The following ADAMTSL1 variants were observed in gnomAD, a reference collection of about 807,000 sequenced individuals.
ADAMTSL1 encodes the protein ADAMTS like 1, also known as ADAMTS-like protein 1.
Under a neutral mutation model 201.8 loss-of-function variants are expected in ADAMTSL1, and 126 were observed. The observed-to-expected ratio is 0.62, with a 90% CI of 0.54 to 0.72. ADAMTSL1 has a LOEUF of 0.72. Ranked by LOEUF, ADAMTSL1 falls within the 30% of genes least tolerant of loss-of-function variation. ADAMTSL1 has a pLI of 0.00. For missense variants in ADAMTSL1, 2,679 were observed against 2,277.8 expected (o/e 1.18, Z -3.59); for synonymous variants, 1,121 against 903.4 (o/e 1.24, Z -4.32).
chr9:18,715,733 CTACTT>C (rs1832886407), intron 14 of ADAMTSL1, among the ~76,000 whole-genome samples: 1 of 151,954 alleles, frequency 6.6e-6, no homozygotes, highest in African/African-American at 2.4e-5. Flanking sequence ...TTGGAAAAAA[CTACTT>C]TAAAGTTCAT....
intron 6 of ADAMTSL1, among the ~76,000 whole-genome samples, chr9:18,636,968 T>C (rs1827145800): frequency 6.6e-6 from 1 of 152,130 alleles, no homozygotes; most frequent in Admixed American, 6.6e-5. Flanking sequence ...TTTTAGTAGT[T>C]GGATTATGAA....
At chr9:18,169,868 G>C (rs1397417729) in intron 2 of ADAMTSL1, among the ~76,000 whole-genome samples, 2 of 151,872 alleles carry the variant, frequency 1.3e-5, no homozygotes, top group Non-Finnish European at 2.9e-5. Flanking sequence ...ATTTTGGAAG[G>C]GTCAGATGTT....
chr9:18,601,073 C>G (rs1279123475), intron 4 of ADAMTSL1, among the ~76,000 whole-genome samples: 2 of 152,138 alleles, frequency 1.3e-5, no homozygotes, highest in African/African-American at 4.8e-5. Flanking sequence ...TCAGTTTTCT[C>G]TATCTCCTTT....
intron 1 of ADAMTSL1, among the ~76,000 whole-genome samples, chr9:18,116,145 T>C (rs1267225062): frequency 6.6e-6 from 1 of 152,126 alleles, no homozygotes; most frequent in African/African-American, 2.4e-5. Flanking sequence ...GATGCCATCA[T>C]ATGTTAAGAG....
chr9:18,626,453 A>T (rs1826363639), intron 5 of ADAMTSL1, among the ~76,000 whole-genome samples: 1 of 152,226 alleles, frequency 6.6e-6, no homozygotes, highest in Non-Finnish European at 1.5e-5. Flanking sequence ...GAGAAAAGCA[A>T]GTGCAGACGT....
At chr9:18,103,443 A>G (rs1011287110) in intron 1 of ADAMTSL1, among the ~76,000 whole-genome samples, 8 of 152,206 alleles carry the variant, frequency 5.3e-5, no homozygotes, top group Non-Finnish European at 1.2e-4. Flanking sequence ...ATAAATTTCA[A>G]GAAATAATCT....
At position 18,099,309 on chromosome 9, in the gene ADAMTSL1, C is replaced by T. The variant is rs1320712811; in HGVS notation, c.88-64553C>T. Among the ~76,000 whole-genome samples, 6 of 92,652 alleles carry T rather than the reference C, an allele frequency of 6.5e-5. No individual in the cohort carries two copies. The South Asian group carries it at 1.6e-3, about 24-fold the overall frequency. 60.8% of individuals were successfully genotyped at this position (92,652 alleles called of 152,430 possible). The stretch of plus-strand genomic sequence containing the variant: ...CCGAGTAAGTCACTGGCTGTTTTTG[C>T]TTTGCTGCAAATGGAAAATATATAT... On this transcript the variant is annotated intron_variant, in intron 1 of 29. Transcript: ENST00000680146.
At chr9:18,486,104 C>T (rs1048201825) in intron 1 of ADAMTSL1, among the ~76,000 whole-genome samples, 1 of 152,142 alleles carries the variant, frequency 6.6e-6, no homozygotes, top group Non-Finnish European at 1.5e-5. Flanking sequence ...TAGCATAGAA[C>T]CAGGGCTTGG....
intron 23 of ADAMTSL1, among the ~76,000 whole-genome samples, chr9:18,881,446 A>G (rs1828529501): frequency 6.6e-6 from 1 of 152,208 alleles, no homozygotes; most frequent in Admixed American, 6.5e-5. Context: ...TGGCCCCAGG[A>G]GAGGAAGCAA....
intron 2 of ADAMTSL1, among the ~76,000 whole-genome samples, chr9:18,181,707 A>G (rs1220754479): frequency 6.6e-6 from 1 of 151,942 alleles, no homozygotes; most frequent in Non-Finnish European, 1.5e-5. Context: ...AACTAGTTCA[A>G]CCCTTGTGGA....
At chr9:18,696,872 T>A (rs1281077974) in intron 13 of ADAMTSL1, among the ~76,000 whole-genome samples, 1 of 147,642 alleles carries the variant, frequency 6.8e-6, no homozygotes, top group Non-Finnish European at 1.5e-5. Flanking sequence ...AAAATATTAT[T>A]ATTATTATTA....
At chr9:18,782,041 G>C (rs931311644) in intron 19 of ADAMTSL1, among the ~76,000 whole-genome samples, 1 of 152,150 alleles carries the variant, frequency 6.6e-6, no homozygotes, top group African/African-American at 2.4e-5. Context: ...GGTGTCCTTA[G>C]TGTGTTATGA....
chr9:18,790,227 A>T (rs187009384), intron 19 of ADAMTSL1, among the ~76,000 whole-genome samples: 31 of 152,308 alleles, frequency 2.0e-4, no homozygotes, highest in African/African-American at 7.5e-4. Context: ...ATTAGCCTCA[A>T]TTTATAGAAG....
intron 13 of ADAMTSL1, among the ~76,000 whole-genome samples, chr9:18,699,267 C>T (rs1831774615): frequency 6.6e-6 from 1 of 151,026 alleles, no homozygotes; most frequent in Admixed American, 6.6e-5. Context: ...CTGTTTGTTA[C>T]TTGGAAAATG....
At chr9:18,066,843 T>C (rs952886662) in intron 1 of ADAMTSL1, among the ~76,000 whole-genome samples, 7 of 152,184 alleles carry the variant, frequency 4.6e-5, no homozygotes, top group Admixed American at 1.3e-4. Context: ...TGGAGAGACA[T>C]AGATGAAAGT....
intron 23 of ADAMTSL1, among the ~76,000 whole-genome samples, chr9:18,849,225 G>A (rs892387960): frequency 6.6e-6 from 1 of 152,142 alleles, no homozygotes; most frequent in African/African-American, 2.4e-5. Context: ...GCCTTGACTT[G>A]GAAGGCCTCT....
intron 2 of ADAMTSL1, among the ~76,000 whole-genome samples, chr9:18,171,429 A>T (rs1827884549): frequency 6.6e-6 from 1 of 152,120 alleles, no homozygotes; most frequent in African/African-American, 2.4e-5. Flanking sequence ...AAATTATATT[A>T]ACATTTTAAT....
intron 26 of ADAMTSL1, among the ~76,000 whole-genome samples, chr9:18,898,218 C>T (rs148217764): frequency 7.2e-5 from 11 of 152,204 alleles, no homozygotes; most frequent in South Asian, 2.1e-4. Flanking sequence ...TAACAAACTT[C>T]GCTGAGCTAA....
chr9:18,465,027 A>G (rs771922838), intron 2 of ADAMTSL1, among the ~76,000 whole-genome samples: 4 of 152,238 alleles, frequency 2.6e-5, no homozygotes, highest in Non-Finnish European at 5.9e-5. Context: ...TTATGTTCTG[A>G]GAATTCAATG....
Sources: allele counts gnomAD v4.1 joint callset (sites outside exome capture counted in the v4.1 genomes callset), GRCh38; gene constraint gnomAD v4.1.1; transcripts MANE v1.5; gene names NCBI Gene and HGNC (gene_info 2026-07-23, HGNC 2026-07-21).